Variants in PCDHGA8 observed in about 807,000 individuals in gnomAD.
The protein encoded by PCDHGA8 is protocadherin gamma-A8.
PCDHGA8 carries 45 observed loss-of-function variants against 59.2 expected under a neutral mutation model. The ratio of observed to expected loss-of-function variants is 0.76; its 90% CI spans 0.60 to 0.98. The LOEUF (loss-of-function observed/expected upper bound fraction) is 0.98. PCDHGA8 is among the 50% of genes least tolerant of loss of function. The pLI is 0.00. For missense variants in PCDHGA8, 1,257 were observed against 1,196.2 expected (o/e 1.05, Z -0.75); for synonymous variants, 531 against 519.0 (o/e 1.02, Z -0.32).
chr5:141,461,088 G>A (rs2099008870), intron 1 of PCDHGA8, among the ~76,000 whole-genome samples: 1 of 151,800 alleles, frequency 6.6e-6, no homozygotes, highest in Non-Finnish European at 1.5e-5. Context: ...GAATTGTGCT[G>A]CTATAAACAT....
intron 1 of PCDHGA8, chr5:141,421,959 A>G (rs2096614103): frequency 1.9e-6 from 3 of 1,612,798 alleles, no homozygotes; most frequent in East Asian, 2.2e-5. Flanking sequence ...CAATGTTTAC[A>G]CAGTCCGTAT....
chr5:141,464,180 G>T (rs1251683320), intron 1 of PCDHGA8, among the ~76,000 whole-genome samples: 1 of 151,340 alleles, frequency 6.6e-6, no homozygotes, highest in Non-Finnish European at 1.5e-5. Flanking sequence ...CAGGAGAATT[G>T]CTTGATTTCA....
At position 141,511,373 on chromosome 5, in the gene PCDHGA8, G is replaced by C. The variant is rs1361376059; in HGVS notation, c.*200G>C. 16 of 1,251,214 alleles carry C rather than the reference G, an allele frequency of 1.3e-5. No homozygotes were observed. Among genetic ancestry groups the C allele is most frequent in the Non-Finnish European group, 1.4e-5 (13 of 925,282 alleles). The allele number at this position is 1,251,214 out of a possible 1,614,324, so 77.5% of individuals were successfully genotyped here. A position where few individuals can be genotyped will look rare whatever the true frequency, so the allele number is the denominator to read the frequency against. ...CCCCCAGGGGGTTGAATATGCAAAAGCAGTTCCGCTGGGAACCCCCATCCA... is the reference window on the plus strand; with the variant it reads ...CCCCCAGGGGGTTGAATATGCAAAACCAGTTCCGCTGGGAACCCCCATCCA... On this transcript the variant is annotated 3_prime_UTR_variant, in exon 4 of 4. Transcript: ENST00000398604.
chr5:141,397,194 A>G (rs1362793784), intron 1 of PCDHGA8, among the ~76,000 whole-genome samples: 1 of 152,240 alleles, frequency 6.6e-6, no homozygotes, highest in Admixed American at 6.5e-5. Flanking sequence ...GTACTGTAAA[A>G]GATATGACAT....
Position 141,408,922 on chromosome 5 carries a change from G to A in PCDHGA8, c.2424+13685G>A, listed in dbSNP as rs762449366. ...TCAAGGATACCAATGATAACCCCCC[G>A]GTTTTCAGCAGAGACGAATATAGAA... On this transcript the variant is annotated intron_variant, in intron 1 of 3. Coordinates refer to ENST00000398604, the MANE Select transcript of PCDHGA8 (RefSeq NM_032088.2). 3.7e-6 allele frequency: 6 copies of A among 1,613,104 alleles called. No homozygotes were observed. In the Admixed American group the frequency reaches 8.3e-5, roughly 22 times the overall value.
rs1163950013 is a variant in PCDHGA8 at position 141,512,955 on chromosome 5, A to G, written c.*1782A>G. 2 of 152,234 alleles carry G rather than the reference A, an allele frequency of 1.3e-5. No homozygotes were observed. The highest frequency in any genetic ancestry group is 2.9e-5 in the Non-Finnish European group (2 of 68,046). The allele number at this position is 152,234 out of a possible 1,614,324, so 9.4% of individuals were successfully genotyped here. ...GCTTTTTTTCTTCGACAAAAAAATA[A>G]TAAAACGTTTCTTCTGAAAAGCTGA... On this transcript the variant is annotated 3_prime_UTR_variant, in exon 4 of 4. Coordinates refer to ENST00000398604, the MANE Select transcript of PCDHGA8 (RefSeq NM_032088.2).
intron 1 of PCDHGA8, chr5:141,405,588 G>T: frequency 1.7e-6 from 1 of 584,820 alleles, no homozygotes; most frequent in Non-Finnish European, 3.0e-6. Flanking sequence ...GGGACTACAG[G>T]CCTCCCAAGT....
intron 1 of PCDHGA8, chr5:141,414,130 T>C (rs761622500): frequency 6.3e-7 from 1 of 1,594,602 alleles, no homozygotes; most frequent in South Asian, 1.1e-5. Context: ...AACCGGTTTC[T>C]ATGAAATAGA....
In PCDHGA8 at chr5:141,486,959, G is replaced by A. The variant is rs1161675143; in HGVS notation, c.2425-7848G>A. The A allele has an allele frequency of 1.9e-6, 3 of 1,614,098 alleles. No individual in the cohort carries two copies. In the African/African-American group the frequency reaches 4.0e-5, roughly 22 times the overall value. On this transcript the variant is annotated intron_variant, in intron 1 of 3. Transcript: ENST00000398604. The surrounding 1 kb of genome is among the most constrained non-coding windows in gnomAD (Gnocchi z 5.0). ...CCACCTAATCACAAAGGTGACTGCTGTGGACTTGGATTCAGGTTACAATGC... is the reference window on the plus strand; with the variant it reads ...CCACCTAATCACAAAGGTGACTGCTATGGACTTGGATTCAGGTTACAATGC...
intron 1 of PCDHGA8, chr5:141,423,522 G>A: frequency 6.2e-7 from 1 of 1,613,850 alleles, no homozygotes; most frequent in South Asian, 1.1e-5. Context: ...CGGACTCGCA[G>A]AAGAGTCACC....
chr5:141,404,682 T>G lies in PCDHGA8; in HGVS notation c.2424+9445T>G, dbSNP rs766278950. 2.5e-6 allele frequency: 4 copies of G among 1,613,914 alleles called. No individual in the cohort carries two copies. Among genetic ancestry groups the G allele is most frequent in the Non-Finnish European group, 2.5e-6 (3 of 1,179,906 alleles). On this transcript the variant is annotated intron_variant, in intron 1 of 3. Coordinates refer to ENST00000398604, the MANE Select transcript of PCDHGA8 (RefSeq NM_032088.2). ...ACTGATGGTTCTACTGGTGTGGAGC[T>G]GGCACCCCGCTCTGCAGAGCCTGGC...
Position 141,410,849 on chromosome 5 carries a change from C to CTTTTTTTTT in PCDHGA8, c.2424+15626_2424+15634dup, listed in dbSNP as rs759346998. 1.7e-3 allele frequency: 239 copies of CTTTTTTTTT among 138,144 alleles called. 16 individuals are homozygous for CTTTTTTTTT. Among genetic ancestry groups the CTTTTTTTTT allele is most frequent in the African/African-American group, 4.5e-3 (75 of 16,616 alleles). 8.6% of individuals were successfully genotyped at this position (138,144 alleles called of 1,614,324 possible). On this transcript the variant is annotated intron_variant, in intron 1 of 3. Coordinates refer to ENST00000398604, the MANE Select transcript of PCDHGA8 (RefSeq NM_032088.2). ...CAGACTGAAGATATTTTGTCTTTGT[C>CTTTTTTTTT]TTTTTTTTTTTTTTTTTTTTTTGAG...
chr5:141,501,666 T>C (rs2099810374), intron 2 of PCDHGA8, among the ~76,000 whole-genome samples: 1 of 152,142 alleles, frequency 6.6e-6, no homozygotes. Context: ...TTGGAAAATA[T>C]AGATAATCAC....
At chr5:141,439,741 A>C (rs1303886454) in intron 1 of PCDHGA8, 1 of 152,352 alleles carries the variant, frequency 6.6e-6, no homozygotes, top group African/African-American at 2.4e-5. Flanking sequence ...AACGGAACGG[A>C]TTTACAGGCA....
intron 1 of PCDHGA8, among the ~76,000 whole-genome samples, chr5:141,424,888 G>C (rs2096846233): frequency 6.6e-6 from 1 of 152,178 alleles, no homozygotes; most frequent in Non-Finnish European, 1.5e-5. Context: ...GACTTATCTA[G>C]GGTTTTTGAT....
In PCDHGA8 at chr5:141,476,499, TC is replaced by T; in HGVS notation, c.2425-18307del. 1 of 1,614,110 alleles carries T rather than the reference TC, an allele frequency of 6.2e-7. No individual in the cohort carries two copies. Among genetic ancestry groups the T allele is most frequent in the Non-Finnish European group, 8.5e-7 (1 of 1,180,020 alleles). ...AGCGTGGAAGTGGTGATCCAGGACATCAACGACAACAATCCTGCTTTCCCTA... is the reference window on the plus strand; with the variant it reads ...AGCGTGGAAGTGGTGATCCAGGACATAACGACAACAATCCTGCTTTCCCTA... On this transcript the variant is annotated intron_variant, in intron 1 of 3. Transcript: ENST00000398604. The surrounding 1 kb of genome is among the most constrained non-coding windows in gnomAD (Gnocchi z 7.6).
chr5:141,472,980 C>CAAAAAAAAAAAAAAAAAAAAAAA (rs60579131), intron 1 of PCDHGA8, among the ~76,000 whole-genome samples: 6 of 86,066 alleles, frequency 7.0e-5, no homozygotes, highest in Non-Finnish European at 1.0e-4. Context: ...GAGTGAAACT[C>CAAAAAAAAAAAAAAAAAAAAAAA]AAAAAAAAAA....
intron 1 of PCDHGA8, among the ~76,000 whole-genome samples, chr5:141,482,529 GC>G (rs1229840218): frequency 3.6e-5 from 2 of 56,040 alleles, no homozygotes; most frequent in Non-Finnish European, 5.8e-5. Context: ...AGACAGACAT[GC>G]AAAAAAAAAA....
In PCDHGA8 at chr5:141,431,339, TTGG is replaced by T. The variant is rs750589924; in HGVS notation, c.2424+36105_2424+36107del. ...AGCCGACGGTAGTAAGTACCCCGAA[TTGG>T]TGCTGAAACGCGCCCTGGACCGCGA... is the stretch of plus-strand genomic sequence containing the variant. On this transcript the variant is annotated intron_variant, in intron 1 of 3. Coordinates refer to ENST00000398604, the MANE Select transcript of PCDHGA8 (RefSeq NM_032088.2). The surrounding 1 kb of genome is among the most constrained non-coding windows in gnomAD (Gnocchi z 4.8). 4 of 1,614,060 alleles carry T rather than the reference TTGG, an allele frequency of 2.5e-6. No individual in the cohort carries two copies. The Admixed American group carries it at 6.7e-5, about 27-fold the overall frequency.
Sources: gnomAD v4.1 joint callset for allele counts (sites outside exome capture counted in the v4.1 genomes callset) on GRCh38, gnomAD v4.1.1 for gene constraint, Gnocchi (gnomAD v3.1) non-coding constraint, MANE v1.5 for transcripts, NCBI Gene and HGNC (gene_info 2026-07-23, HGNC 2026-07-21) for gene names.